Variants in KCNK3 observed in about 807,000 individuals in gnomAD.
KCNK3 encodes the protein potassium channel subfamily K member 3.
KCNK3 carries 9 observed loss-of-function variants against 27.3 expected under a neutral mutation model. The ratio of observed to expected loss-of-function variants is 0.33; its 90% CI spans 0.20 to 0.57. KCNK3 has a LOEUF of 0.57. Among genes scored for constraint, KCNK3 ranks in the 20% least tolerant of loss-of-function variants. The pLI, the probability that KCNK3 is intolerant of heterozygous loss-of-function variation, is 0.87. For synonymous variants in KCNK3, 278 were observed against 273.8 expected, an observed-to-expected ratio of 1.02 and a Z score of -0.15; for missense variants, 391 against 577.7, an observed-to-expected ratio of 0.68 and a Z score of 3.31.
intron 1 of KCNK3, among the ~76,000 whole-genome samples, chr2:26,694,782 C>T (rs149414717): frequency 6.6e-6 from 1 of 152,328 alleles, no homozygotes; most frequent in East Asian, 1.9e-4. Flanking sequence ...GTTTAGCTGT[C>T]TGGAGAATCA....
At chr2:26,704,573 C>CT (rs1670347774) in intron 1 of KCNK3, among the ~76,000 whole-genome samples, 2 of 152,232 alleles carry the variant, frequency 1.3e-5, no homozygotes, top group African/African-American at 4.8e-5. Context: ...CCATCCGGGG[C>CT]TTTCTCCAGG....
chr2:26,718,474 T>C (rs1005993333), intron 1 of KCNK3, among the ~76,000 whole-genome samples: 1 of 152,242 alleles, frequency 6.6e-6, no homozygotes, highest in Non-Finnish European at 1.5e-5. Context: ...AAAGTAATAG[T>C]TTTTTGTAGT....
chr2:26,716,148 C>G (rs1287356005), intron 1 of KCNK3, among the ~76,000 whole-genome samples: 1 of 152,184 alleles, frequency 6.6e-6, no homozygotes, highest in African/African-American at 2.4e-5. Context: ...CCCGGGGCAG[C>G]CAAGTGCAGC....
Position 26,726,106 on chromosome 2 carries a change from C to CAGAG in KCNK3, c.284-1527_284-1524dup, listed in dbSNP as rs1168877805. ...ATACACACACACACACACACACACA[C>CAGAG]AGAGAGAGAGAGAGAGAGAGAGAGA... On this transcript the variant is annotated intron_variant, in intron 1 of 1. Coordinates refer to ENST00000302909, the MANE Select transcript of KCNK3 (RefSeq NM_002246.3). 6.6e-3 allele frequency among the ~76,000 whole-genome samples: 537 copies of CAGAG among 81,792 alleles called. 3 individuals are homozygous for CAGAG. The highest frequency in any genetic ancestry group is 9.4e-3 in the Non-Finnish European group (421 of 44,640). 53.7% of individuals were successfully genotyped at this position (81,792 alleles called of 152,430 possible).
chr2:26,695,955 G>A (rs1294801198), intron 1 of KCNK3, among the ~76,000 whole-genome samples: 1 of 151,970 alleles, frequency 6.6e-6, no homozygotes, highest in Non-Finnish European at 1.5e-5. Flanking sequence ...ATGCCACCTT[G>A]CTGGAAGCTG....
At chr2:26,716,252 C>G (rs1311564920) in intron 1 of KCNK3, among the ~76,000 whole-genome samples, 1 of 152,180 alleles carries the variant, frequency 6.6e-6, no homozygotes, top group East Asian at 1.9e-4. Flanking sequence ...GGTTCCACAT[C>G]TGTAAAATAG....
At position 26,693,458 on chromosome 2, in the gene KCNK3, G is replaced by A. The variant is rs1421916540; in HGVS notation, c.283+300G>A. ...TGTGTGAGAGGGGCAGGGACGACCG[G>A]CGGAGGCTCGGGCAGGAGGGGTGTG... On this transcript the variant is annotated intron_variant, in intron 1 of 1. Transcript: ENST00000302909. This position sits in a 1 kb window ranked among gnomAD's most constrained non-coding sequence, Gnocchi z 5.5. Among the ~76,000 whole-genome samples the A allele has an allele frequency of 6.6e-6, 1 of 152,208 alleles. No individual in the cohort carries two copies. The highest frequency in any genetic ancestry group is 1.5e-5 in the Non-Finnish European group (1 of 68,028).
rs1056342352 is a variant in KCNK3, at chr2:26,727,997, A to T, written c.614A>T (p.Tyr205Phe). ...CTCACCACCATCGGCTTCGGCGACT[A>T]CGTGGCGCTGCAGAAGGACCAGGCC... ...ITLTTIGFGDYVALQKDQALQ... is the reference protein window; with the variant it reads ...ITLTTIGFGDFVALQKDQALQ... The change falls in exon 2 of 2, where the codon TAC becomes TTC. Residue 205 changes from tyrosine (Y) to phenylalanine (F), a missense_variant. Physicochemically the swap from Tyr to Phe is conservative, Grantham distance 22 (BLOSUM62 3). This residue lies in a region of KCNK3 where 3 missense variants were observed against 33.5 expected (regional missense o/e 0.09). Transcript: ENST00000302909. The T allele has an allele frequency of 2.5e-6, 4 of 1,614,072 alleles. No homozygotes were observed. Among genetic ancestry groups the T allele is most frequent in the Non-Finnish European group, 3.4e-6 (4 of 1,180,020 alleles).
chr2:26,731,947 A>C lies in KCNK3; in HGVS notation c.*3379A>C, dbSNP rs1256784073. The stretch of plus-strand genomic sequence containing the variant: ...GTGGTACCTCCCAGTCAGCCAGGAG[A>C]ATGGATTCCTTCTCCTGCAGTAGGG... On this transcript the variant is annotated 3_prime_UTR_variant, in exon 2 of 2. Coordinates refer to ENST00000302909, the MANE Select transcript of KCNK3 (RefSeq NM_002246.3). 6.6e-6 allele frequency: 1 copy of C among 152,200 alleles called. No individual in the cohort carries two copies. The highest frequency in any genetic ancestry group is 1.5e-5 in the Non-Finnish European group (1 of 68,040). 9.4% of individuals were successfully genotyped at this position (152,200 alleles called of 1,614,324 possible). A position where few individuals can be genotyped will look rare whatever the true frequency, so the allele number is the denominator to read the frequency against.
intron 1 of KCNK3, among the ~76,000 whole-genome samples, chr2:26,723,992 C>T (rs970251899): frequency 1.3e-5 from 2 of 152,220 alleles, no homozygotes; most frequent in African/African-American, 4.8e-5. Context: ...TAGAGAACAC[C>T]TTTTGCCCCC....
chr2:26,714,011 G>T (rs1383012058), intron 1 of KCNK3, among the ~76,000 whole-genome samples: 2 of 151,792 alleles, frequency 1.3e-5, no homozygotes, highest in Non-Finnish European at 2.9e-5. Context: ...AAGAGGCAGA[G>T]GTTGCAGTGA....
chr2:26,692,752 G>A lies in KCNK3; in HGVS notation c.-124G>A. The A allele has an allele frequency of 2.4e-6, 1 of 421,988 alleles. No individual in the cohort carries two copies. The highest frequency in any genetic ancestry group is 3.2e-6 in the Non-Finnish European group (1 of 316,584). The allele number at this position is 421,988 out of a possible 1,614,324, so 26.1% of individuals were successfully genotyped here. ...CGGCGGCCCCGGGCGCTGAGCGGGT[G>A]CCCGGCGCGGAGAGCGGCGAGCGCA... On this transcript the variant is annotated 5_prime_UTR_variant, in exon 1 of 2. Transcript: ENST00000302909. This position sits in a 1 kb window ranked among gnomAD's most constrained non-coding sequence, Gnocchi z 5.6.
chr2:26,699,250 A>AAAGAAAGAAAGAAAGC lies in KCNK3; in HGVS notation c.283+6095_283+6096insAAAGAAAGAAAGCAAG, dbSNP rs35378015. Among the ~76,000 whole-genome samples the AAAGAAAGAAAGAAAGC allele has an allele frequency of 7.3e-3, 1,043 of 142,762 alleles. 9 individuals are homozygous for AAAGAAAGAAAGAAAGC. Among genetic ancestry groups the AAAGAAAGAAAGAAAGC allele is most frequent in the East Asian group, 0.021 (104 of 4,996 alleles). The allele number at this position is 142,762 out of a possible 152,430, so 93.7% of individuals were successfully genotyped here. A position where few individuals can be genotyped will look rare whatever the true frequency, so the allele number is the denominator to read the frequency against. The stretch of plus-strand genomic sequence containing the variant: ...GAAAGAAAGAAAGAAAGAAAGAAAG[A>AAAGAAAGAAAGAAAGC]AAGCCAGCCAAGGAGAAAGGTACAC... On this transcript the variant is annotated intron_variant, in intron 1 of 1. Transcript: ENST00000302909.
intron 1 of KCNK3, chr2:26,724,590 C>A: frequency 5.1e-6 from 5 of 985,322 alleles, no homozygotes; most frequent in Non-Finnish European, 6.0e-6. Flanking sequence ...AAGCCTCAGC[C>A]TGCGGTAGGA....
At chr2:26,701,607 A>C (rs776460516) in intron 1 of KCNK3, among the ~76,000 whole-genome samples, 8 of 152,190 alleles carry the variant, frequency 5.3e-5, no homozygotes, top group Non-Finnish European at 1.0e-4. Flanking sequence ...GCTATCATAA[A>C]TTACTGTAGA....
In KCNK3 at chr2:26,731,580, A is replaced by C. The variant is rs1663542157; in HGVS notation, c.*3012A>C. 1 of 152,174 alleles carries C rather than the reference A, an allele frequency of 6.6e-6. No homozygotes were observed. Among genetic ancestry groups the C allele is most frequent in the Non-Finnish European group, 1.5e-5 (1 of 68,036 alleles). 9.4% of individuals were successfully genotyped at this position (152,174 alleles called of 1,614,324 possible). A position where few individuals can be genotyped will look rare whatever the true frequency, so the allele number is the denominator to read the frequency against. The stretch of plus-strand genomic sequence containing the variant: ...GCGACAGAGTGAGACCCTGTCTAAA[A>C]AAAAACAATAATAATAAAATAAAAT... On this transcript the variant is annotated 3_prime_UTR_variant, in exon 2 of 2. Coordinates refer to ENST00000302909, the MANE Select transcript of KCNK3 (RefSeq NM_002246.3).
chr2:26,712,737 C>A (rs966605216), intron 1 of KCNK3, among the ~76,000 whole-genome samples: 2 of 151,092 alleles, frequency 1.3e-5, no homozygotes, highest in Non-Finnish European at 2.9e-5. Context: ...GGGGTGGGGA[C>A]CTCATGTCTG....
rs746843850 is a variant in KCNK3, at chr2:26,693,095, G to T, written c.220G>T (p.Ala74Ser). 4.4e-6 allele frequency: 7 copies of T among 1,601,816 alleles called. No homozygotes were observed. Among genetic ancestry groups the T allele is most frequent in the Admixed American group, 1.7e-5 (1 of 59,502 alleles). The change falls in exon 1 of 2, where the codon GCC (alanine) becomes TCC (serine). Residue 74 changes from alanine to serine, a missense_variant. Transcript: ENST00000302909. The surrounding 1 kb of genome is among the most constrained non-coding windows in gnomAD (Gnocchi z 5.5). ...CGTGCTGCGCCTCAAGCCGCACAAGGCCGGCGTGCAGTGGCGCTTCGCCGG... is the reference window on the plus strand; with the variant it reads ...CGTGCTGCGCCTCAAGCCGCACAAGTCCGGCGTGCAGTGGCGCTTCGCCGG... ...RVVLRLKPHK[A>S]GVQWRFAGSF...
intron 1 of KCNK3, among the ~76,000 whole-genome samples, chr2:26,695,852 G>C (rs1249215401): frequency 6.6e-6 from 1 of 152,206 alleles, no homozygotes; most frequent in Non-Finnish European, 1.5e-5. Context: ...CAAGAGGAAA[G>C]ACAACATCAG....
Sources: allele counts gnomAD v4.1 joint callset (sites outside exome capture counted in the v4.1 genomes callset), GRCh38; gene constraint gnomAD v4.1.1; regional missense constraint gnomAD v4.1.1; non-coding constraint Gnocchi (gnomAD v3.1); transcripts MANE v1.5; gene names NCBI Gene and HGNC (gene_info 2026-07-23, HGNC 2026-07-21).